The following ARHGEF10L variants were observed in gnomAD, a reference collection of about 807,000 sequenced individuals.
ARHGEF10L encodes the protein rho guanine nucleotide exchange factor 10-like protein.
Under a neutral mutation model 141.2 loss-of-function variants are expected in ARHGEF10L, and 69 were observed. The observed-to-expected ratio is 0.49, with a 90% confidence interval of 0.40 to 0.60. ARHGEF10L has a LOEUF of 0.60. ARHGEF10L is among the 20% of genes least tolerant of loss of function. ARHGEF10L has a pLI of 0.00. For synonymous variants in ARHGEF10L, 711 were observed against 718.5 expected (o/e 0.99, Z 0.17); for missense variants, 1,482 against 1,734.3 (o/e 0.85, Z 2.58).
At chr1:17,642,343 C>T (rs2061372136) in intron 21 of ARHGEF10L, among the ~76,000 whole-genome samples, 1 of 152,140 alleles carries the variant, frequency 6.6e-6, no homozygotes, top group African/African-American at 2.4e-5. Flanking sequence ...GAAGGAAGCC[C>T]AGAGTGGCCA....
chr1:17,587,510 G>A lies in ARHGEF10L; in HGVS notation c.88G>A (p.Asp30Asn), dbSNP rs575089352. ...AGGCCCCTCCTCTGAGGCAGAGGAC[G>A]ACCCAGGAGAGGCGTTTGAGTTTGA... ...VPGPSSEAED[D>N]PGEAFEFDDS... is the part of the protein sequence containing the mutation. The change falls in exon 3 of 29, where the codon GAC (aspartate) becomes AAC (asparagine). Residue 30 changes from aspartate to asparagine, a missense_variant. Asp to Asn is a conservative substitution (Grantham distance 23, BLOSUM62 1). Around this residue, in one of 3 missense-constraint regions of ARHGEF10L, gnomAD observed 232 missense variants for 225.9 expected, o/e 1.03. Transcript: ENST00000361221. 15 of 1,614,146 alleles carry A rather than the reference G, an allele frequency of 9.3e-6. No individual in the cohort carries two copies. The South Asian group carries it at 9.9e-5, about 11-fold the overall frequency.
At chr1:17,675,688 A>T (rs796404288) in intron 26 of ARHGEF10L, among the ~76,000 whole-genome samples, 15 of 118,914 alleles carry the variant, frequency 1.3e-4, no homozygotes, top group African/African-American at 5.3e-4. Flanking sequence ...CACATGTGGT[A>T]CAGGTGTGTT....
the ARHGEF10L span, among the ~76,000 whole-genome samples, chr1:17,523,364 C>G: frequency 1.3e-5 from 2 of 152,104 alleles, no homozygotes; most frequent in African/African-American, 4.8e-5. Context: ...GCTGGGATTA[C>G]AGGTGTGAGC....
At chr1:17,663,005 T>G (rs12074020) in intron 25 of ARHGEF10L, among the ~76,000 whole-genome samples, 7,460 of 152,294 alleles carry the variant, frequency 0.049, 493 homozygotes, top group African/African-American at 0.14. Context: ...TGCTCCAGGC[T>G]GGGACCCAGC....
chr1:17,689,129 G>A (rs1371566681), intron 27 of ARHGEF10L, among the ~76,000 whole-genome samples: 1 of 152,084 alleles, frequency 6.6e-6, no homozygotes, highest in African/African-American at 2.4e-5. Context: ...GTAGACCAGA[G>A]GCAGGACCAC....
intron 7 of ARHGEF10L, among the ~76,000 whole-genome samples, chr1:17,609,563 G>C (rs908540572): frequency 6.6e-6 from 1 of 152,176 alleles, no homozygotes; most frequent in African/African-American, 2.4e-5. Flanking sequence ...AACACAAAAT[G>C]CTGGTCATCA....
chr1:17,599,626 C>T (rs183053853), intron 4 of ARHGEF10L, among the ~76,000 whole-genome samples: 21 of 152,286 alleles, frequency 1.4e-4, no homozygotes, highest in African/African-American at 5.1e-4. Flanking sequence ...GTTCAGGTGG[C>T]TCCCATCAGC....
At chr1:17,692,372 T>C (rs1372331748) in intron 27 of ARHGEF10L, among the ~76,000 whole-genome samples, 1 of 152,040 alleles carries the variant, frequency 6.6e-6, no homozygotes, top group Non-Finnish European at 1.5e-5. Flanking sequence ...TTCGGGTGTG[T>C]CTAATTTGTG....
At position 17,597,982 on chromosome 1, in the gene ARHGEF10L, C is replaced by T. The variant is rs889322392; in HGVS notation, c.258-4145C>T. On this transcript the variant is annotated intron_variant, in intron 4 of 28. Transcript: ENST00000361221. ...TTCTCTTGGTTAAACTGCATTCTTTCGGTTAAAGCGTGCTGCAGCCTTTGA... is the reference window on the plus strand; with the variant it reads ...TTCTCTTGGTTAAACTGCATTCTTTTGGTTAAAGCGTGCTGCAGCCTTTGA... 3.3e-5 allele frequency among the ~76,000 whole-genome samples: 5 copies of T among 152,172 alleles called. 1 individual carries two copies. The South Asian group carries it at 6.2e-4, about 19-fold the overall frequency.
intron 26 of ARHGEF10L, among the ~76,000 whole-genome samples, chr1:17,677,888 T>C (rs1203016844): frequency 6.6e-6 from 1 of 152,134 alleles, no homozygotes; most frequent in Non-Finnish European, 1.5e-5. Context: ...GTGAATGTCA[T>C]GCAGACCCAG....
chr1:17,531,143 A>G, the ARHGEF10L span, among the ~76,000 whole-genome samples: 1 of 152,222 alleles, frequency 6.6e-6, no homozygotes, highest in East Asian at 1.9e-4. Context: ...GCACAGTAAA[A>G]GTGGGGGCAT....
intron 4 of ARHGEF10L, among the ~76,000 whole-genome samples, chr1:17,599,952 G>A (rs974543374): frequency 6.6e-6 from 1 of 152,220 alleles, no homozygotes. Flanking sequence ...ATAGCCACGT[G>A]GCTGGTGGCT....
Position 17,627,425 on chromosome 1 carries a change from G to A in ARHGEF10L, c.1506G>A (p.Glu502=), listed in dbSNP as rs1193580529. 2.5e-6 allele frequency: 4 copies of A among 1,613,766 alleles called. No homozygotes were observed. In the African/African-American group the frequency reaches 5.3e-5, roughly 22 times the overall value. The change falls in exon 15 of 29, where the codon GAG becomes GAA. Residue 502 remains glutamate (E), a synonymous_variant. Coordinates refer to ENST00000361221, the MANE Select transcript of ARHGEF10L (RefSeq NM_018125.4). The surrounding 1 kb of genome is among the most constrained non-coding windows in gnomAD (Gnocchi z 4.0). ...ELETLAEKLN[E]QKRLADQVAE... is the part of the protein sequence containing the mutation. ...AGACGCTGGCTGAGAAGCTGAACGAGCAGAAGCGGCTGGCTGACCAGGTGG... is the reference window on the plus strand; with the variant it reads ...AGACGCTGGCTGAGAAGCTGAACGAACAGAAGCGGCTGGCTGACCAGGTGG...
chr1:17,654,736 C>A lies in ARHGEF10L; in HGVS notation c.2481+14C>A, dbSNP rs1009793219. On this transcript the variant is annotated intron_variant, in intron 23 of 28. Coordinates refer to ENST00000361221, the MANE Select transcript of ARHGEF10L (RefSeq NM_018125.4). This position sits in a 1 kb window ranked among gnomAD's most constrained non-coding sequence, Gnocchi z 4.3. ...GGCTACCTCTGGGTGAGTCACCCCC[C>A]TGCCCAGCTGGGCATTCTGGCCTCA... is the stretch of plus-strand genomic sequence containing the variant. The A allele has an allele frequency of 3.7e-6, 6 of 1,611,528 alleles. No individual in the cohort carries two copies. Among genetic ancestry groups the A allele is most frequent in the Non-Finnish European group, 5.1e-6 (6 of 1,178,290 alleles).
chr1:17,590,074 C>G (rs187407806), intron 4 of ARHGEF10L, among the ~76,000 whole-genome samples: 11 of 151,988 alleles, frequency 7.2e-5, no homozygotes, highest in Non-Finnish European at 1.5e-4. Flanking sequence ...TCTTGGAGAC[C>G]CCAGGAGTTA....
chr1:17,580,435 G>A, intron 1 of ARHGEF10L, 118 bp from the exon 2 acceptor site: 1 of 810,406 alleles, frequency 1.2e-6, no homozygotes, highest in Non-Finnish European at 2.1e-6. Flanking sequence ...TTCTGGGGCT[G>A]CCCTGTGCTC....
At position 17,696,903 on chromosome 1, in the gene ARHGEF10L, G is replaced by A. The variant is rs1307901033; in HGVS notation, c.3363G>A (p.Val1121=). Residue 1121 remains valine (V), a synonymous_variant, in exon 29 of 29, where the codon GTG becomes GTA. Coordinates refer to ENST00000361221, the MANE Select transcript of ARHGEF10L (RefSeq NM_018125.4). ...GTGGGCCTGTGGCCTTCCTGGCTGT[G>A]GCTACCAGCATCCTGGCCCCTGACA... ...GHCGPVAFLA[V]ATSILAPDIL... 6.2e-7 allele frequency: 1 copy of A among 1,605,842 alleles called. No individual in the cohort carries two copies. Among genetic ancestry groups the A allele is most frequent in the South Asian group, 1.1e-5 (1 of 90,202 alleles).
rs547621284 is a variant in ARHGEF10L, at chr1:17,590,135, G to C, written c.257+1656G>C. On this transcript the variant is annotated intron_variant, in intron 4 of 28. Coordinates refer to ENST00000361221, the MANE Select transcript of ARHGEF10L (RefSeq NM_018125.4). ...GATAAGTAGATGCTCATTCAGAAGAGAGACCAAGGCCCCTCTGACACCGAG... is the reference window on the plus strand; with the variant it reads ...GATAAGTAGATGCTCATTCAGAAGACAGACCAAGGCCCCTCTGACACCGAG... 2.6e-5 allele frequency among the ~76,000 whole-genome samples: 4 copies of C among 152,270 alleles called. No homozygotes were observed. In the East Asian group the frequency reaches 7.7e-4, roughly 29 times the overall value.
intron 27 of ARHGEF10L, among the ~76,000 whole-genome samples, chr1:17,690,830 T>C (rs1204415056): frequency 6.6e-6 from 1 of 152,212 alleles, no homozygotes; most frequent in African/African-American, 2.4e-5. Context: ...GGGGGGCAGC[T>C]GCAGATCCAC....
Sources: allele counts gnomAD v4.1 joint callset (sites outside exome capture counted in the v4.1 genomes callset), GRCh38; gene constraint gnomAD v4.1.1; regional missense constraint gnomAD v4.1.1; non-coding constraint Gnocchi (gnomAD v3.1); transcripts MANE v1.5; gene names NCBI Gene and HGNC (gene_info 2026-07-23, HGNC 2026-07-21).